NPAS3: variants seen among roughly 807,000 people sequenced by gnomAD.
NPAS3 encodes neuronal PAS domain protein 3, also known as neuronal PAS domain-containing protein 3.
In NPAS3, 14 loss-of-function variants were observed where a neutral mutation model predicts 73.1. That is an observed-to-expected ratio of 0.19 (90% CI 0.13 to 0.30). The LOEUF is 0.30. NPAS3 is among the 10% of genes least tolerant of loss of function. The probability of loss-of-function intolerance (pLI) is 1.00; values close to 1 mark genes in which losing one functional copy is unlikely to be tolerated. For missense variants in NPAS3, 1,096 were observed against 1,250.0 expected (o/e 0.88, Z 1.86); for synonymous variants, 620 against 541.5 (o/e 1.14, Z -2.01).
rs1329698755 is a variant in NPAS3 at position 33,363,915 on chromosome 14, A to C, written c.386-3271A>C. Reference sequence around the variant, plus strand: ...GGTTGCACATTCCATTTATTTAGCAATGCCCTCTGTGTGTGTGTGTGTGTG... The same window carrying C: ...GGTTGCACATTCCATTTATTTAGCACTGCCCTCTGTGTGTGTGTGTGTGTG... On this transcript the variant is annotated intron_variant, in intron 3 of 11. Coordinates refer to ENST00000356141, the Ensembl canonical transcript of NPAS3. Among the ~76,000 whole-genome samples, 3 of 60,680 alleles carry C rather than the reference A, an allele frequency of 4.9e-5. No individual in the cohort carries two copies. In the East Asian group the frequency reaches 1.3e-3, roughly 26 times the overall value. 39.8% of individuals were successfully genotyped at this position (60,680 alleles called of 152,430 possible).
At chr14:33,203,942 G>A (rs1246402592) in intron 2 of NPAS3, among the ~76,000 whole-genome samples, 2 of 152,194 alleles carry the variant, frequency 1.3e-5, no homozygotes, top group African/African-American at 4.8e-5. Context: ...CCCACCAACA[G>A]TGTAAGTGTT....
intron 1 of NPAS3, among the ~76,000 whole-genome samples, chr14:33,052,723 T>C (rs12883961): frequency 0.11 from 16,181 of 152,244 alleles, 922 homozygotes; most frequent in Non-Finnish European, 0.12. Flanking sequence ...CCTTTGCTAC[T>C]ACGGTGGCAA....
rs974569186 is a variant in NPAS3, at chr14:32,947,611, A to C, written c.50+8245A>C. Among the ~76,000 whole-genome samples the C allele has an allele frequency of 2.0e-5, 3 of 152,164 alleles. No individual in the cohort carries two copies. In the East Asian group the frequency reaches 5.8e-4, roughly 29 times the overall value. On this transcript the variant is annotated intron_variant, in intron 1 of 11. Coordinates refer to ENST00000356141, the Ensembl canonical transcript of NPAS3. ...CACATATATATACACTGTTTACAAC[A>C]TAAATTATATATAAAATATGTATGA... is the stretch of plus-strand genomic sequence containing the variant.
At chr14:33,534,452 C>A (rs1046272179) in intron 4 of NPAS3, among the ~76,000 whole-genome samples, 1 of 152,054 alleles carries the variant, frequency 6.6e-6, no homozygotes, top group Admixed American at 6.6e-5. Flanking sequence ...TTGCTAGGAG[C>A]TGGATACTAT....
chr14:33,495,400 G>A (rs181486300), intron 4 of NPAS3, among the ~76,000 whole-genome samples: 55 of 152,080 alleles, frequency 3.6e-4, no homozygotes, highest in Admixed American at 1.2e-3. Flanking sequence ...CAATTATGTG[G>A]TCAATTTTAG....
At chr14:33,471,194 TC>T (rs1566932060) in intron 4 of NPAS3, among the ~76,000 whole-genome samples, 1 of 152,206 alleles carries the variant, frequency 6.6e-6, no homozygotes, top group Non-Finnish European at 1.5e-5. Context: ...TCATAGAAAG[TC>T]TGTCGTCTGG....
chr14:33,245,434 G>C (rs553336920), intron 3 of NPAS3, among the ~76,000 whole-genome samples: 20 of 152,236 alleles, frequency 1.3e-4, no homozygotes, highest in Non-Finnish European at 2.6e-4. Flanking sequence ...ATGACGTAGG[G>C]TTCTGTCCTA....
chr14:33,217,888 T>G (rs904101382), intron 3 of NPAS3, among the ~76,000 whole-genome samples: 8 of 152,230 alleles, frequency 5.3e-5, no homozygotes, highest in Admixed American at 2.0e-4. Context: ...TTCTGTCTAG[T>G]GCTCTATCAC....
chr14:33,557,627 A>G (rs1185669788), intron 4 of NPAS3, among the ~76,000 whole-genome samples: 1 of 152,264 alleles, frequency 6.6e-6, no homozygotes, highest in East Asian at 1.9e-4. Context: ...AACTAGGAAT[A>G]GGCTTGTTGC....
chr14:33,329,281 G>A (rs928699280), intron 3 of NPAS3, among the ~76,000 whole-genome samples: 1 of 152,146 alleles, frequency 6.6e-6, no homozygotes, highest in African/African-American at 2.4e-5. Context: ...GAGTGGGGTG[G>A]GAGGAACAGA....
chr14:33,317,478 C>T (rs2043254072), intron 3 of NPAS3, among the ~76,000 whole-genome samples: 1 of 152,078 alleles, frequency 6.6e-6, no homozygotes, highest in East Asian at 1.9e-4. Flanking sequence ...GCTGTGTCCA[C>T]ACCCAAATTT....
chr14:33,098,496 T>C (rs909583619), intron 2 of NPAS3, among the ~76,000 whole-genome samples: 4 of 152,174 alleles, frequency 2.6e-5, no homozygotes, highest in African/African-American at 9.7e-5. Flanking sequence ...ATTTCAATAC[T>C]CAAAATGACA....
At chr14:33,508,573 G>GC (rs2052886184) in intron 4 of NPAS3, among the ~76,000 whole-genome samples, 1 of 151,960 alleles carries the variant, frequency 6.6e-6, no homozygotes, top group African/African-American at 2.4e-5. Context: ...CATCCAGGAA[G>GC]CCAACCACAC....
At chr14:32,938,461 G>GAGAGAGAGAGAGAGAA, upstream of NPAS3, among the ~76,000 whole-genome samples, 1 of 88,660 alleles carries the variant, frequency 1.1e-5, no homozygotes, top group Non-Finnish European at 2.6e-5. Context: ...ACGAGAAAGA[G>GAGAGAGAGAGAGAGAA]AGAGAGAGAG....
At chr14:33,151,569 CAT>C (rs1369541659) in intron 2 of NPAS3, among the ~76,000 whole-genome samples, 10 of 152,152 alleles carry the variant, frequency 6.6e-5, no homozygotes, top group Non-Finnish European at 1.5e-4. Flanking sequence ...AAAATTGTAT[CAT>C]GTGATGAATT....
At chr14:33,048,051 T>G (rs1394557686) in intron 1 of NPAS3, among the ~76,000 whole-genome samples, 2 of 152,206 alleles carry the variant, frequency 1.3e-5, no homozygotes, top group Non-Finnish European at 2.9e-5. Context: ...AGATTTGACT[T>G]GCTTAGAGAA....
At chr14:33,695,231 T>G (rs1019250023) in intron 6 of NPAS3, among the ~76,000 whole-genome samples, 6 of 152,204 alleles carry the variant, frequency 3.9e-5, no homozygotes, top group African/African-American at 1.4e-4. Flanking sequence ...TTGAATACAA[T>G]TTATATGTAA....
chr14:33,042,192 C>T (rs1227302859), intron 1 of NPAS3, among the ~76,000 whole-genome samples: 1 of 152,084 alleles, frequency 6.6e-6, no homozygotes, highest in Non-Finnish European at 1.5e-5. Context: ...CATTATTCCT[C>T]CATGCAGCAC....
chr14:33,021,266 A>G (rs1367423639), intron 1 of NPAS3, among the ~76,000 whole-genome samples: 8 of 152,200 alleles, frequency 5.3e-5, no homozygotes, highest in Non-Finnish European at 1.2e-4. Context: ...CAATGCGTAC[A>G]AAGATTAGGC....
Sources: gnomAD v4.1 joint callset for allele counts (sites outside exome capture counted in the v4.1 genomes callset) on GRCh38, gnomAD v4.1.1 for gene constraint, MANE v1.5 for transcripts, NCBI Gene and HGNC (gene_info 2026-07-23, HGNC 2026-07-21) for gene names.